The following TBC1D9B variants were observed in gnomAD, a reference collection of about 807,000 sequenced individuals.
TBC1D9B encodes the protein TBC1 domain family, member 9B (with GRAM domain).
TBC1D9B carries 87 observed loss-of-function variants against 121.1 expected under a neutral mutation model. The ratio of observed to expected loss-of-function variants is 0.72; its 90% CI spans 0.60 to 0.86. TBC1D9B has a LOEUF of 0.86. Ranked by LOEUF, TBC1D9B falls within the 40% of genes least tolerant of loss-of-function variation. The pLI, the probability that TBC1D9B is intolerant of heterozygous loss-of-function variation, is 0.00. For missense variants in TBC1D9B, 1,540 were observed against 1,628.6 expected, an observed-to-expected ratio of 0.95 and a Z score of 0.94; for synonymous variants, 668 against 670.1, an observed-to-expected ratio of 1.00 and a Z score of 0.05.
chr5:179,881,749 A>G (rs1582088537), intron 7 of TBC1D9B, among the ~76,000 whole-genome samples: 1 of 152,108 alleles, frequency 6.6e-6, no homozygotes, highest in East Asian at 1.9e-4. Context: ...TTTTATGCTA[A>G]TATCATTATA....
rs979066266 is a variant in TBC1D9B at position 179,875,367 on chromosome 5, C to T, written c.1901-180G>A. 5.3e-5 allele frequency among the ~76,000 whole-genome samples: 8 copies of T among 152,320 alleles called. No homozygotes were observed. Among genetic ancestry groups the T allele is most frequent in the African/African-American group, 1.9e-4 (8 of 41,574 alleles). On this transcript the variant is annotated intron_variant, in intron 11 of 20. Transcript: ENST00000355235. This position sits in a 1 kb window ranked among gnomAD's most constrained non-coding sequence, Gnocchi z 4.5. ...AAACCCTTCAAGTCTCTCTACAGCT[C>T]CCAAACCACTGGGCGAAATAACTAT...
chr5:179,898,411 C>T (rs1333622458), intron 3 of TBC1D9B, among the ~76,000 whole-genome samples: 1 of 151,932 alleles, frequency 6.6e-6, no homozygotes, highest in East Asian at 2.0e-4. Context: ...TCTTGGCCTC[C>T]CAAAGTGCTG....
Position 179,904,490 on chromosome 5 carries a change from G to T in TBC1D9B, c.229+212C>A, listed in dbSNP as rs1761254820. 6.6e-6 allele frequency among the ~76,000 whole-genome samples: 1 copy of T among 152,122 alleles called. No homozygotes were observed. The highest frequency in any genetic ancestry group is 1.5e-5 in the Non-Finnish European group (1 of 68,026). ...TCAGCCCGCCTCGGCCTCCCAAAGT[G>T]CTGGGATTACAGACGTGAGCCACCG... On this transcript the variant is annotated intron_variant, in intron 2 of 20. Transcript: ENST00000355235. The surrounding 1 kb of genome is among the most constrained non-coding windows in gnomAD (Gnocchi z 4.2).
rs781779074 is a variant in TBC1D9B, at chr5:179,863,677, A to T, written c.3473T>A (p.Val1158Glu). ...LQCEDLADDT[V>E]LVGGEACSPT... is the part of the protein sequence containing the mutation. ...GCTGCAGGCCTCCCCGCCCACCAGC[A>T]CCGTGTCGTCTGCAAGGTCTTCACA... is the stretch of plus-strand genomic sequence containing the variant. The change falls in exon 21 of 21, where the codon GTG becomes GAG. Residue 1158 changes from valine (V) to glutamate (E), a missense_variant. By Grantham distance (121) the Val-to-Glu change is moderately radical (BLOSUM62 -2). Coordinates refer to ENST00000355235, the MANE Select transcript of TBC1D9B (RefSeq NM_015043.4). This position sits in a 1 kb window ranked among gnomAD's most constrained non-coding sequence, Gnocchi z 4.5. The T allele has an allele frequency of 5.2e-5, 84 of 1,613,626 alleles. No individual in the cohort carries two copies. Among genetic ancestry groups the T allele is most frequent in the Non-Finnish European group, 6.9e-5 (82 of 1,180,044 alleles).
chr5:179,872,399 G>A (rs1231541186), intron 14 of TBC1D9B: 3 of 173,026 alleles, frequency 1.7e-5, no homozygotes, highest in African/African-American at 7.2e-5. Context: ...GCCTGCAGGA[G>A]GGCTGGGAAT....
At position 179,863,793 on chromosome 5, in the gene TBC1D9B, C is replaced by G. The variant is rs761286268; in HGVS notation, c.3357G>C (p.Gln1119His). 3.1e-6 allele frequency: 5 copies of G among 1,613,728 alleles called. No homozygotes were observed. In the South Asian group the frequency reaches 5.5e-5, roughly 18 times the overall value. ...VVVEGGSGEG[Q>H]GSPSQLLSDD... ...CAGACAGCAGCTGGGAGGGTGAGCCCTGTCCCTCGCCGCTGCCCCCCTCCA... is the reference window on the plus strand; with the variant it reads ...CAGACAGCAGCTGGGAGGGTGAGCCGTGTCCCTCGCCGCTGCCCCCCTCCA... Residue 1119 changes from glutamine to histidine, a missense_variant, in exon 21 of 21, where the codon CAG becomes CAC. Coordinates refer to ENST00000355235, the MANE Select transcript of TBC1D9B (RefSeq NM_015043.4). The surrounding 1 kb of genome is among the most constrained non-coding windows in gnomAD (Gnocchi z 4.5).
chr5:179,893,910 TGAGGGAGGCAAG>T (rs1760943774), intron 4 of TBC1D9B, among the ~76,000 whole-genome samples: 2 of 152,028 alleles, frequency 1.3e-5, no homozygotes, highest in African/African-American at 4.8e-5. Context: ...GGCTGTGGGC[TGAGGGAGGCAAG>T]GAGGGAGGAG....
intron 7 of TBC1D9B, among the ~76,000 whole-genome samples, chr5:179,886,566 C>A (rs970138211): frequency 2.0e-5 from 3 of 152,218 alleles, no homozygotes; most frequent in Admixed American, 6.5e-5. Flanking sequence ...TTCCGCCCAC[C>A]CCTTCCCATG....
chr5:179,884,204 G>A (rs1394944130), intron 7 of TBC1D9B, among the ~76,000 whole-genome samples: 1 of 152,182 alleles, frequency 6.6e-6, no homozygotes, highest in Non-Finnish European at 1.5e-5. Flanking sequence ...CTATAAACTG[G>A]AGCCTGAGAA....
chr5:179,880,751 AAG>A (rs1314507829), intron 7 of TBC1D9B, among the ~76,000 whole-genome samples: 1 of 151,884 alleles, frequency 6.6e-6, no homozygotes, highest in African/African-American at 2.4e-5. Flanking sequence ...GAAAAAAAAA[AAG>A]AGAGAACTCT....
Position 179,891,242 on chromosome 5 carries a change from A to G in TBC1D9B, c.1044+137T>C. 1 of 940,458 alleles carries G rather than the reference A, an allele frequency of 1.1e-6. No individual in the cohort carries two copies. The allele number at this position is 940,458 out of a possible 1,614,324, so 58.3% of individuals were successfully genotyped here. ...CCTCCACCTGTCCCATCACTGAGTGACATGTGACTGCCTGGGCTAGGGCAT... is the reference window on the plus strand; with the variant it reads ...CCTCCACCTGTCCCATCACTGAGTGGCATGTGACTGCCTGGGCTAGGGCAT... On this transcript the variant is annotated intron_variant, in intron 6 of 20. Transcript: ENST00000355235. This position sits in a 1 kb window ranked among gnomAD's most constrained non-coding sequence, Gnocchi z 4.3.
chr5:179,865,588 G>A lies in TBC1D9B; in HGVS notation c.2915-228C>T. On this transcript the variant is annotated intron_variant, in intron 19 of 20. Coordinates refer to ENST00000355235, the MANE Select transcript of TBC1D9B (RefSeq NM_015043.4). The surrounding 1 kb of genome is among the most constrained non-coding windows in gnomAD (Gnocchi z 5.1). ...TAAGCTGATGACAATGATCCACAAT[G>A]TCTTCTCTCAGATGGGGAGTCACAG... is the stretch of plus-strand genomic sequence containing the variant. 1 of 617,068 alleles carries A rather than the reference G, an allele frequency of 1.6e-6. No homozygotes were observed. The highest frequency in any genetic ancestry group is 2.0e-5 in the South Asian group (1 of 50,448). 38.2% of individuals were successfully genotyped at this position (617,068 alleles called of 1,614,324 possible). A position where few individuals can be genotyped will look rare whatever the true frequency, so the allele number is the denominator to read the frequency against.
chr5:179,895,262 G>T (rs1760986363), intron 3 of TBC1D9B, among the ~76,000 whole-genome samples: 1 of 152,214 alleles, frequency 6.6e-6, no homozygotes, highest in Admixed American at 6.5e-5. Context: ...TGTGTATTCA[G>T]TGAAAAGGGA....
At chr5:179,903,022 C>G (rs932729920) in intron 2 of TBC1D9B, among the ~76,000 whole-genome samples, 1 of 152,218 alleles carries the variant, frequency 6.6e-6, no homozygotes, top group African/African-American at 2.4e-5. Flanking sequence ...TGTGCTTTTA[C>G]TTCCTTGACC....
chr5:179,899,222 T>C lies in TBC1D9B; in HGVS notation c.315A>G (p.Glu105=), dbSNP rs1342138655. ...TGCCCTTGACGAAGGTGGTGATATC[T>C]TCCTCACTGTCGAAGATGGACAGTG... ...LQTLSIFDSE[E]DITTFVKGKI... The change falls in exon 3 of 21, where the codon GAA becomes GAG. Residue 105 remains glutamate, a synonymous_variant. Transcript: ENST00000355235. The C allele has an allele frequency of 2.5e-6, 4 of 1,613,922 alleles. No individual in the cohort carries two copies. Among genetic ancestry groups the C allele is most frequent in the African/African-American group, 1.3e-5 (1 of 74,892 alleles).
intron 17 of TBC1D9B, 111 bp from the exon 18 acceptor site, chr5:179,867,960 G>C: frequency 1.0e-6 from 1 of 996,950 alleles, no homozygotes; most frequent in South Asian, 2.3e-5. Flanking sequence ...CACGAGCCTG[G>C]CCAGTCCCAG....
chr5:179,865,109 G>A lies in TBC1D9B; in HGVS notation c.3021+145C>T. 4.2e-6 allele frequency: 3 copies of A among 712,156 alleles called. No individual in the cohort carries two copies. The highest frequency in any genetic ancestry group is 2.6e-5 in the Admixed American group (1 of 37,978). 44.1% of individuals were successfully genotyped at this position (712,156 alleles called of 1,614,324 possible). ...TGTCTTTCTGGAATCATCGCTGACT[G>A]GCAACCAGGACTAACGGGCTCTAGA... On this transcript the variant is annotated intron_variant, in intron 20 of 20. Coordinates refer to ENST00000355235, the MANE Select transcript of TBC1D9B (RefSeq NM_015043.4). This position sits in a 1 kb window ranked among gnomAD's most constrained non-coding sequence, Gnocchi z 5.1.
chr5:179,879,849 T>C (rs930604789), intron 7 of TBC1D9B, 60 bp from the exon 8 acceptor site: 40 of 1,517,592 alleles, frequency 2.6e-5, no homozygotes, highest in Non-Finnish European at 3.2e-5. Context: ...TGGCCTCTGA[T>C]GCGCCCATCC....
intron 7 of TBC1D9B, 134 bp from the exon 8 acceptor site, chr5:179,879,923 A>G: frequency 1.8e-6 from 2 of 1,118,734 alleles, no homozygotes; most frequent in South Asian, 1.6e-5. Flanking sequence ...CACGGAGAAG[A>G]GCCTGTCTGG....
Sources: gnomAD v4.1 joint callset for allele counts (sites outside exome capture counted in the v4.1 genomes callset) on GRCh38, gnomAD v4.1.1 for gene constraint, Gnocchi (gnomAD v3.1) non-coding constraint, MANE v1.5 for transcripts, NCBI Gene and HGNC (gene_info 2026-07-23, HGNC 2026-07-21) for gene names.